The following KLHL29 variants were observed in gnomAD, a reference collection of about 807,000 sequenced individuals.
The protein encoded by KLHL29 is kelch like family member 29, also known as kelch-like protein 29.
A neutral mutation model predicts 80.4 loss-of-function variants in KLHL29; 21 were observed. The ratio of observed to expected loss-of-function variants is 0.26; its 90% CI spans 0.19 to 0.38. The LOEUF (loss-of-function observed/expected upper bound fraction) is 0.38, where lower values mean the gene tolerates loss of function less well. KLHL29 is among the 10% of genes least tolerant of loss of function. The pLI, the probability that KLHL29 is intolerant of heterozygous loss-of-function variation, is 1.00. For missense variants in KLHL29, 867 were observed against 1,223.9 expected (o/e 0.71, Z 4.35); for synonymous variants, 511 against 526.8 (o/e 0.97, Z 0.41).
chr2:23,592,326 A>C (rs1338284591), intron 3 of KLHL29, among the ~76,000 whole-genome samples: 1 of 152,240 alleles, frequency 6.6e-6, no homozygotes, highest in Non-Finnish European at 1.5e-5. Context: ...TTGCCCACCC[A>C]AAGCTCCAGG....
intron 1 of KLHL29, among the ~76,000 whole-genome samples, chr2:23,434,238 G>A (rs1029621601): frequency 6.8e-6 from 1 of 146,362 alleles, no homozygotes. Flanking sequence ...GGAGAATGGT[G>A]TGAACCCGGG....
Position 23,680,042 on chromosome 2 carries a change from G to A in KLHL29, c.941-4357G>A, listed in dbSNP as rs775952120. 5.3e-5 allele frequency among the ~76,000 whole-genome samples: 8 copies of A among 152,194 alleles called. No homozygotes were observed. Among genetic ancestry groups the A allele is most frequent in the East Asian group, 3.9e-4 (2 of 5,192 alleles). ...AGGGCTGTGCTGCCCCTTCAGCCCC[G>A]AAGGATTTGTGTGGCCAGTGGCTGT... On this transcript the variant is annotated intron_variant, in intron 5 of 13. Coordinates refer to ENST00000486442, the MANE Select transcript of KLHL29 (RefSeq NM_052920.2). The surrounding 1 kb of genome is among the most constrained non-coding windows in gnomAD (Gnocchi z 4.1).
intron 3 of KLHL29, among the ~76,000 whole-genome samples, chr2:23,606,183 A>G (rs1304903536): frequency 2.5e-5 from 3 of 119,238 alleles, no homozygotes; most frequent in Middle Eastern, 4.4e-3. Flanking sequence ...TGAGAGAGAG[A>G]GAGAGGGAGA....
intron 5 of KLHL29, among the ~76,000 whole-genome samples, chr2:23,653,946 C>G (rs922800822): frequency 1.1e-4 from 17 of 152,150 alleles, no homozygotes; most frequent in African/African-American, 3.6e-4. Context: ...GCGGGTAGAT[C>G]ACCTGAGGTC....
In KLHL29 at chr2:23,562,449, G is replaced by T. The variant is rs1056225906; in HGVS notation, c.253G>T (p.Val85Leu). The T allele has an allele frequency of 6.5e-7, 1 of 1,536,706 alleles. No individual in the cohort carries two copies. Among genetic ancestry groups the T allele is most frequent in the Non-Finnish European group, 8.7e-7 (1 of 1,146,776 alleles). ...TGSSEAITSL[V>L]ASSASAVTTK... ...CAGCAGCGAGGCCATCACCAGCCTC[G>T]TGGCCAGCTCTGCGTCTGCGGTCAC... The change falls in exon 3 of 14, where the codon GTG becomes TTG. Residue 85 changes from valine (V) to leucine (L), a missense_variant. By Grantham distance (32) the Val-to-Leu change is conservative. Coordinates refer to ENST00000486442, the MANE Select transcript of KLHL29 (RefSeq NM_052920.2). This position sits in a 1 kb window ranked among gnomAD's most constrained non-coding sequence, Gnocchi z 4.5.
At chr2:23,422,130 G>A (rs1191890987) in intron 1 of KLHL29, among the ~76,000 whole-genome samples, 2 of 151,086 alleles carry the variant, frequency 1.3e-5, no homozygotes, top group Admixed American at 6.6e-5. Flanking sequence ...GTGGGTCTTT[G>A]TGTGTTGTGT....
chr2:23,610,481 T>C (rs180838533), intron 3 of KLHL29, among the ~76,000 whole-genome samples: 1 of 152,370 alleles, frequency 6.6e-6, no homozygotes, highest in Admixed American at 6.5e-5. Context: ...CTGCAGGGAA[T>C]GGCTAGTTTA....
chr2:23,559,278 G>A (rs527473952), intron 2 of KLHL29, among the ~76,000 whole-genome samples: 2 of 152,302 alleles, frequency 1.3e-5, no homozygotes, highest in Non-Finnish European at 1.5e-5. Flanking sequence ...AAGGGAGCCC[G>A]CCCAGATCCT....
At chr2:23,413,433 G>A (rs1266718975) in intron 1 of KLHL29, among the ~76,000 whole-genome samples, 1 of 152,192 alleles carries the variant, frequency 6.6e-6, no homozygotes, top group South Asian at 2.1e-4. Context: ...AGACATGGAC[G>A]TGGGTTTCAT....
intron 1 of KLHL29, among the ~76,000 whole-genome samples, chr2:23,416,688 C>A (rs1286217083): frequency 6.6e-6 from 1 of 152,204 alleles, no homozygotes; most frequent in Non-Finnish European, 1.5e-5. Flanking sequence ...TGCTGCCTAT[C>A]GGGTAAAGAG....
At chr2:23,417,280 A>T (rs1031596268) in intron 1 of KLHL29, among the ~76,000 whole-genome samples, 1 of 152,000 alleles carries the variant, frequency 6.6e-6, no homozygotes, top group African/African-American at 2.4e-5. Flanking sequence ...CACCAATTCT[A>T]TCCTGACAGC....
chr2:23,517,216 T>G (rs574261366), intron 2 of KLHL29, among the ~76,000 whole-genome samples: 95 of 152,278 alleles, frequency 6.2e-4, no homozygotes, highest in African/African-American at 2.2e-3. Flanking sequence ...TCTTTAAACT[T>G]AGGAACAGAA....
chr2:23,481,903 T>TA (rs11307329), intron 2 of KLHL29, among the ~76,000 whole-genome samples: 28 of 146,676 alleles, frequency 1.9e-4, no homozygotes, highest in Middle Eastern at 3.5e-3. Flanking sequence ...GGTGACAGGT[T>TA]AAAAAAAAAA....
At chr2:23,702,644 T>G (rs535272403) in intron 11 of KLHL29, among the ~76,000 whole-genome samples, 20 of 152,322 alleles carry the variant, frequency 1.3e-4, no homozygotes, top group Middle Eastern at 3.4e-3. Flanking sequence ...TATGACCTAT[T>G]GGAGCTGCTG....
chr2:23,413,652 C>T (rs1384041255), intron 1 of KLHL29, among the ~76,000 whole-genome samples: 1 of 152,184 alleles, frequency 6.6e-6, no homozygotes, highest in Non-Finnish European at 1.5e-5. Flanking sequence ...AAACCATTGA[C>T]TTCATGGAAA....
chr2:23,641,049 G>A (rs1029409014), intron 4 of KLHL29, among the ~76,000 whole-genome samples: 1 of 152,022 alleles, frequency 6.6e-6, no homozygotes, highest in African/African-American at 2.4e-5. Flanking sequence ...CATCCTCAGT[G>A]TACACTGCCA....
intron 2 of KLHL29, among the ~76,000 whole-genome samples, chr2:23,558,304 G>A (rs895838245): frequency 6.6e-5 from 10 of 152,220 alleles, no homozygotes; most frequent in East Asian, 1.9e-4. Context: ...TGGGAGAGGC[G>A]TCTACACTGT....
chr2:23,658,098 C>T (rs1292981707), intron 5 of KLHL29, among the ~76,000 whole-genome samples: 2 of 152,034 alleles, frequency 1.3e-5, no homozygotes, highest in Non-Finnish European at 2.9e-5. Flanking sequence ...CCTCCCTCTC[C>T]TGCCCACTCC....
intron 3 of KLHL29, among the ~76,000 whole-genome samples, chr2:23,616,026 A>T (rs925051212): frequency 3.3e-5 from 5 of 152,190 alleles, no homozygotes; most frequent in African/African-American, 9.7e-5. Context: ...CCCAAGGGTC[A>T]GTCCCCTTGG....
Sources: allele counts gnomAD v4.1 joint callset (sites outside exome capture counted in the v4.1 genomes callset), GRCh38; gene constraint gnomAD v4.1.1; non-coding constraint Gnocchi (gnomAD v3.1); transcripts MANE v1.5; gene names NCBI Gene and HGNC (gene_info 2026-07-23, HGNC 2026-07-21).